Variants in TRPC4 observed in about 807,000 individuals in gnomAD.
TRPC4 encodes the protein short transient receptor potential channel 4.
In TRPC4, 49 loss-of-function variants were observed where a neutral mutation model predicts 99.4. That is an observed-to-expected ratio of 0.49 (90% CI 0.39 to 0.63). TRPC4 has a LOEUF of 0.63. Ranked by LOEUF, TRPC4 falls within the 20% of genes least tolerant of loss-of-function variation. TRPC4 has a pLI of 0.00. For missense variants in TRPC4, 898 were observed against 1,152.9 expected (o/e 0.78, Z 3.20); for synonymous variants, 454 against 425.9 (o/e 1.07, Z -0.81).
chr13:37,850,812 A>G (rs1959034031), intron 1 of TRPC4, among the ~76,000 whole-genome samples: 1 of 152,188 alleles, frequency 6.6e-6, no homozygotes, highest in South Asian at 2.1e-4. Context: ...TCCCAGATAG[A>G]GGGAAACCAC....
At chr13:37,866,906 G>T (rs1409062796) in intron 1 of TRPC4, among the ~76,000 whole-genome samples, 2 of 149,458 alleles carry the variant, frequency 1.3e-5, no homozygotes, top group Non-Finnish European at 3.0e-5. Flanking sequence ...ATTTTGAGCT[G>T]TCTCCTCAAC....
intron 3 of TRPC4, among the ~76,000 whole-genome samples, chr13:37,720,500 G>A (rs1430580217): frequency 2.0e-5 from 3 of 151,860 alleles, no homozygotes; most frequent in Non-Finnish European, 4.4e-5. Flanking sequence ...TTTTTTCTGC[G>A]TTCTGAACTT....
At chr13:37,642,995 G>A (rs1479827733) in intron 8 of TRPC4, among the ~76,000 whole-genome samples, 1 of 152,142 alleles carries the variant, frequency 6.6e-6, no homozygotes, top group African/African-American at 2.4e-5. Context: ...CTCCCAAAGT[G>A]CTGAGATTAC....
At chr13:37,849,357 T>A (rs476995) in intron 1 of TRPC4, among the ~76,000 whole-genome samples, 39,967 of 152,088 alleles carry the variant, frequency 0.26, 5,591 homozygotes, top group East Asian at 0.43. Context: ...ATGGAAAGGA[T>A]GACTGGCTGT....
At chr13:37,795,428 C>T (rs1957220501) in intron 1 of TRPC4, among the ~76,000 whole-genome samples, 2 of 152,134 alleles carry the variant, frequency 1.3e-5, no homozygotes, top group South Asian at 4.1e-4. Flanking sequence ...ATGGTAGACA[C>T]TTTGTGGCAA....
intron 3 of TRPC4, among the ~76,000 whole-genome samples, chr13:37,701,301 T>A (rs1429162445): frequency 6.6e-6 from 1 of 152,072 alleles, no homozygotes; most frequent in Non-Finnish European, 1.5e-5. Flanking sequence ...TTGGCTCATC[T>A]AATTGTCAAT....
chr13:37,791,578 C>T (rs1458599532), intron 1 of TRPC4, among the ~76,000 whole-genome samples: 1 of 151,920 alleles, frequency 6.6e-6, no homozygotes, highest in East Asian at 1.9e-4. Context: ...TTGGCAATAC[C>T]ATGGTGAATG....
intron 8 of TRPC4, among the ~76,000 whole-genome samples, chr13:37,649,265 A>G (rs1951943963): frequency 6.6e-6 from 1 of 152,176 alleles, no homozygotes; most frequent in African/African-American, 2.4e-5. Flanking sequence ...AACCTCTTTC[A>G]TGTGACTGTA....
chr13:37,666,393 TTGTC>T (rs1003280165), intron 5 of TRPC4, among the ~76,000 whole-genome samples: 4 of 152,110 alleles, frequency 2.6e-5, no homozygotes, highest in Non-Finnish European at 5.9e-5. Flanking sequence ...AGTAAATAAT[TTGTC>T]TGTTCTCTGA....
chr13:37,639,100 G>A lies in TRPC4; in HGVS notation c.2151C>T (p.Tyr717=), dbSNP rs370748979. Residue 717 remains tyrosine, a synonymous_variant, in exon 10 of 11, where the codon TAC becomes TAT. Coordinates refer to ENST00000379705, the MANE Select transcript of TRPC4 (RefSeq NM_016179.4). ...TAGCATCTCTAATCATTGCAGCAAC[G>A]TATCGCTTCACCAGGTTCCTCATAA... is the stretch of plus-strand genomic sequence containing the variant. ...QEVMRNLVKR[Y]VAAMIRDAKT... 27 of 1,613,512 alleles carry A rather than the reference G, an allele frequency of 1.7e-5. No individual in the cohort carries two copies. Among genetic ancestry groups the A allele is most frequent in the Admixed American group, 5.0e-5 (3 of 59,978 alleles).
At chr13:37,682,922 CTT>C (rs35740848) in intron 4 of TRPC4, among the ~76,000 whole-genome samples, 3,172 of 109,308 alleles carry the variant, frequency 0.029, 101 homozygotes, top group African/African-American at 0.097. Context: ...GCCCAGCTAT[CTT>C]TTTTTTTTTT....
At position 37,690,293 on chromosome 13, in the gene TRPC4, T is replaced by C. The variant is rs969489647; in HGVS notation, c.1234+1706A>G. On this transcript the variant is annotated intron_variant, in intron 4 of 10. Coordinates refer to ENST00000379705, the MANE Select transcript of TRPC4 (RefSeq NM_016179.4). Reference sequence around the variant, plus strand: ...GGACACTTCGGACACTTATAGATTATGTGAGCCTTTTTAATTTTTCTTCTT... The same window carrying C: ...GGACACTTCGGACACTTATAGATTACGTGAGCCTTTTTAATTTTTCTTCTT... Among the ~76,000 whole-genome samples the C allele has an allele frequency of 5.9e-5, 9 of 152,210 alleles. 1 individual carries two copies. The highest frequency in any genetic ancestry group is 3.9e-4 in the Admixed American group (6 of 15,282).
chr13:37,636,752 C>CT lies in TRPC4; in HGVS notation c.*150dup. ...CAAAAAGGTTTTTGATTGCCTTTGCCTTATTTAAACATGTTACAGGTAATA... is the reference window on the plus strand; with the variant it reads ...CAAAAAGGTTTTTGATTGCCTTTGCCTTTATTTAAACATGTTACAGGTAATA... On this transcript the variant is annotated 3_prime_UTR_variant, in exon 11 of 11. Coordinates refer to ENST00000379705, the MANE Select transcript of TRPC4 (RefSeq NM_016179.4). 9.7e-7 allele frequency: 1 copy of CT among 1,032,320 alleles called. No homozygotes were observed. The highest frequency in any genetic ancestry group is 2.7e-5 in the East Asian group (1 of 36,682). 63.9% of individuals were successfully genotyped at this position (1,032,320 alleles called of 1,614,324 possible). A position where few individuals can be genotyped will look rare whatever the true frequency, so the allele number is the denominator to read the frequency against.
At chr13:37,648,306 C>CA (rs770216236) in intron 8 of TRPC4, among the ~76,000 whole-genome samples, 1 of 152,002 alleles carries the variant, frequency 6.6e-6, no homozygotes, top group Admixed American at 6.6e-5. Flanking sequence ...TTCATATAAA[C>CA]AAAAAATGTA....
At chr13:37,639,842 C>A (rs535566341) in intron 8 of TRPC4, among the ~76,000 whole-genome samples, 5 of 151,526 alleles carry the variant, frequency 3.3e-5, no homozygotes, top group African/African-American at 4.8e-5. Context: ...ATAAAGGATT[C>A]TGTTGAAACA....
intron 4 of TRPC4, among the ~76,000 whole-genome samples, chr13:37,687,090 G>C (rs965405517): frequency 6.6e-6 from 1 of 151,450 alleles, no homozygotes; most frequent in Non-Finnish European, 1.5e-5. Flanking sequence ...TCAGCCTCCC[G>C]AGTAGCTGGG....
chr13:37,636,815 A>G lies in TRPC4; in HGVS notation c.*88T>C. 6.7e-7 allele frequency: 1 copy of G among 1,495,234 alleles called. No individual in the cohort carries two copies. The highest frequency in any genetic ancestry group is 8.9e-7 in the Non-Finnish European group (1 of 1,119,676). 92.6% of individuals were successfully genotyped at this position (1,495,234 alleles called of 1,614,324 possible). ...TAAACGCTATAAAGTGTAAGTTAGC[A>G]TTTGCTAATACAATTTAAACATTTT... On this transcript the variant is annotated 3_prime_UTR_variant, in exon 11 of 11. Coordinates refer to ENST00000379705, the MANE Select transcript of TRPC4 (RefSeq NM_016179.4).
intron 8 of TRPC4, among the ~76,000 whole-genome samples, chr13:37,646,668 T>C (rs1951869655): frequency 6.6e-6 from 1 of 152,240 alleles, no homozygotes; most frequent in South Asian, 2.1e-4. Context: ...AGTTGTAAAC[T>C]GGAAATGCTT....
chr13:37,696,498 A>G (rs1953908571), intron 3 of TRPC4, among the ~76,000 whole-genome samples: 1 of 152,214 alleles, frequency 6.6e-6, no homozygotes, highest in Non-Finnish European at 1.5e-5. Flanking sequence ...GAAAAATTGT[A>G]CCCAAAGTTC....
Sources: allele counts gnomAD v4.1 joint callset (sites outside exome capture counted in the v4.1 genomes callset), GRCh38; gene constraint gnomAD v4.1.1; transcripts MANE v1.5; gene names NCBI Gene and HGNC (gene_info 2026-07-23, HGNC 2026-07-21).